The following IMPG2 variants were observed in gnomAD, a reference collection of about 807,000 sequenced individuals.
The protein encoded by IMPG2 is interphotoreceptor matrix proteoglycan 2, also known as IPM 200.
Under a neutral mutation model 129.2 loss-of-function variants are expected in IMPG2, and 91 were observed. The ratio of observed to expected loss-of-function variants is 0.70; its 90% CI spans 0.59 to 0.84. The LOEUF (loss-of-function observed/expected upper bound fraction) is 0.84, where lower values mean the gene tolerates loss of function less well. IMPG2 is among the 40% of genes least tolerant of loss of function. The pLI, the probability that IMPG2 is intolerant of heterozygous loss-of-function variation, is 0.00. For missense variants in IMPG2, 1,430 were observed against 1,461.7 expected, an observed-to-expected ratio of 0.98 and a Z score of 0.35; for synonymous variants, 510 against 517.7, an observed-to-expected ratio of 0.99 and a Z score of 0.20.
chr3:101,229,327 C>T (rs983347074), intron 17 of IMPG2, 53 bp downstream of exon 17: 1 of 1,373,356 alleles, frequency 7.3e-7, no homozygotes, highest in Non-Finnish European at 1.0e-6. Context: ...CCTGCTCCCC[C>T]ACACACACAC....
intron 2 of IMPG2, among the ~76,000 whole-genome samples, chr3:101,311,085 ATT>A (rs1707259655): frequency 6.6e-6 from 1 of 152,014 alleles, no homozygotes; most frequent in South Asian, 2.1e-4. Context: ...GGCAAAAATC[ATT>A]TTGAAAACAA....
At chr3:101,298,155 C>A (rs1559656838) in intron 3 of IMPG2, among the ~76,000 whole-genome samples, 1 of 151,892 alleles carries the variant, frequency 6.6e-6, no homozygotes, top group South Asian at 2.1e-4. Flanking sequence ...TTATGTAATG[C>A]CCTTCTTTGT....
chr3:101,272,855 T>C (rs1706800713), intron 7 of IMPG2, among the ~76,000 whole-genome samples: 1 of 152,096 alleles, frequency 6.6e-6, no homozygotes, highest in Non-Finnish European at 1.5e-5. Flanking sequence ...CAAGAAGGAA[T>C]GGGAAAAAAT....
chr3:101,276,780 G>C, intron 4 of IMPG2, 67 bp from the exon 5 acceptor site: 1 of 1,311,928 alleles, frequency 7.6e-7, no homozygotes, highest in Admixed American at 1.8e-5. Context: ...GGGATTTTTG[G>C]GGTTGTTTTC....
chr3:101,284,672 G>T (rs1205733213), intron 4 of IMPG2, among the ~76,000 whole-genome samples: 10 of 152,042 alleles, frequency 6.6e-5, no homozygotes, highest in African/African-American at 2.4e-4. Flanking sequence ...CAAAATCTGT[G>T]CCTAGCAGTT....
intron 2 of IMPG2, among the ~76,000 whole-genome samples, chr3:101,310,642 G>T (rs1225016588): frequency 6.6e-6 from 1 of 151,300 alleles, no homozygotes; most frequent in East Asian, 1.9e-4. Context: ...AATGTTAACT[G>T]TAGAACTAAG....
At chr3:101,264,590 T>A (rs1279122533) in intron 9 of IMPG2, among the ~76,000 whole-genome samples, 1 of 152,012 alleles carries the variant, frequency 6.6e-6, no homozygotes, top group Non-Finnish European at 1.5e-5. Flanking sequence ...ACAACTAACA[T>A]CATACTGCAT....
chr3:101,318,402 C>G (rs1415666529), intron 2 of IMPG2, among the ~76,000 whole-genome samples: 1 of 151,870 alleles, frequency 6.6e-6, no homozygotes, highest in Non-Finnish European at 1.5e-5. Flanking sequence ...CTCCCAAATA[C>G]AATCAAGAAA....
At chr3:101,246,224 T>G (rs1706476883) in intron 11 of IMPG2, 119 bp from the exon 12 acceptor site, 1 of 897,930 alleles carries the variant, frequency 1.1e-6, no homozygotes, top group South Asian at 1.7e-5. Context: ...GGCGGTGTAT[T>G]AATAATATTA....
chr3:101,267,925 T>C (rs1190373596), intron 8 of IMPG2, among the ~76,000 whole-genome samples: 2 of 152,198 alleles, frequency 1.3e-5, no homozygotes, highest in Admixed American at 6.5e-5. Flanking sequence ...AGTAAGGGTA[T>C]AGGTAAATGT....
chr3:101,223,869 T>A lies in IMPG2; in HGVS notation c.*3100A>T, dbSNP rs904276383. 3 of 152,254 alleles carry A rather than the reference T, an allele frequency of 2.0e-5. No homozygotes were observed. The highest frequency in any genetic ancestry group is 7.2e-5 in the African/African-American group (3 of 41,454). 9.4% of individuals were successfully genotyped at this position (152,254 alleles called of 1,614,324 possible). On this transcript the variant is annotated 3_prime_UTR_variant, in exon 19 of 19. Coordinates refer to ENST00000193391, the MANE Select transcript of IMPG2 (RefSeq NM_016247.4). ...ATAAATTAAATGGGGCCAGGTGCGG[T>A]GGCTCATGCCTGTAATCCCAGCACT...
intron 2 of IMPG2, among the ~76,000 whole-genome samples, chr3:101,319,175 T>C (rs900979673): frequency 3.3e-5 from 5 of 152,186 alleles, no homozygotes; most frequent in African/African-American, 4.8e-5. Flanking sequence ...ACTGGTATTT[T>C]TGAAGTGCTT....
chr3:101,225,135 T>C lies in IMPG2; in HGVS notation c.*1834A>G, dbSNP rs1038462239. ...CTTAAACAGAAAACTTTGAAAGTTTTATAAATAAAACTAAGCACTTAGTAG... is the reference window on the plus strand; with the variant it reads ...CTTAAACAGAAAACTTTGAAAGTTTCATAAATAAAACTAAGCACTTAGTAG... On this transcript the variant is annotated 3_prime_UTR_variant, in exon 19 of 19. Transcript: ENST00000193391. 4.6e-5 allele frequency: 7 copies of C among 152,384 alleles called. No homozygotes were observed. The highest frequency in any genetic ancestry group is 1.0e-4 in the Non-Finnish European group (7 of 68,036). The allele number at this position is 152,384 out of a possible 1,614,324, so 9.4% of individuals were successfully genotyped here.
In IMPG2 at chr3:101,304,135, G is replaced by A. The variant is rs747494454; in HGVS notation, c.501+11C>T. On this transcript the variant is annotated intron_variant, in intron 3 of 18. Coordinates refer to ENST00000193391, the MANE Select transcript of IMPG2 (RefSeq NM_016247.4). Reference sequence around the variant, plus strand: ...TAGTCCAGGAATCCCTTCCTTTGTTGTGACACTTACCTTCATGATTAAGCT... The same window carrying A: ...TAGTCCAGGAATCCCTTCCTTTGTTATGACACTTACCTTCATGATTAAGCT... The A allele has an allele frequency of 6.9e-5, 111 of 1,613,194 alleles. No individual in the cohort carries two copies. Among genetic ancestry groups the A allele is most frequent in the Non-Finnish European group, 8.6e-5 (102 of 1,179,372 alleles).
intron 9 of IMPG2, among the ~76,000 whole-genome samples, chr3:101,262,770 C>CA (rs200218148): frequency 0.16 from 20,523 of 130,348 alleles, 1,467 homozygotes; most frequent in Middle Eastern, 0.2. Context: ...GAAAGGATAA[C>CA]AAAAAAAAAA....
At chr3:101,274,180 C>T (rs1279745111) in intron 6 of IMPG2, among the ~76,000 whole-genome samples, 1 of 151,930 alleles carries the variant, frequency 6.6e-6, no homozygotes, top group Non-Finnish European at 1.5e-5. Flanking sequence ...CGGAGCAATA[C>T]TCCATTTCAA....
chr3:101,247,602 TA>T (rs11315012), intron 11 of IMPG2, among the ~76,000 whole-genome samples: 119,048 of 149,464 alleles, frequency 0.8, 47,212 homozygotes, highest in Admixed American at 0.83. Context: ...CGTCTCAAAA[TA>T]AAAAAAAAAA....
At chr3:101,234,156 A>G (rs1473639556) in intron 14 of IMPG2, among the ~76,000 whole-genome samples, 1 of 148,474 alleles carries the variant, frequency 6.7e-6, no homozygotes, top group Non-Finnish European at 1.5e-5. Flanking sequence ...ATATGTAATC[A>G]AGTTAAGAAG....
intron 9 of IMPG2, among the ~76,000 whole-genome samples, chr3:101,261,052 G>A (rs1384218609): frequency 3.3e-5 from 5 of 152,054 alleles, no homozygotes; most frequent in Non-Finnish European, 7.4e-5. Context: ...CCTAAAGAAC[G>A]TTCGTATTAG....
Sources: gnomAD v4.1 joint callset for allele counts (sites outside exome capture counted in the v4.1 genomes callset) on GRCh38, gnomAD v4.1.1 for gene constraint, MANE v1.5 for transcripts, NCBI Gene and HGNC (gene_info 2026-07-23, HGNC 2026-07-21) for gene names.